The following DCAF17 variants were observed in gnomAD, a reference collection of about 807,000 sequenced individuals.
DCAF17 encodes the protein DDB1 and CUL4 associated factor 17, also known as DDB1- and CUL4-associated factor 17.
Under a neutral mutation model 66.0 loss-of-function variants are expected in DCAF17, and 48 were observed. That is an observed-to-expected ratio of 0.73 (90% CI 0.58 to 0.92). The LOEUF is 0.92. DCAF17 is among the 40% of genes least tolerant of loss of function. DCAF17 has a pLI of 0.00. For synonymous variants in DCAF17, 206 were observed against 214.6 expected, an observed-to-expected ratio of 0.96 and a Z score of 0.35; for missense variants, 562 against 622.8, an observed-to-expected ratio of 0.90 and a Z score of 1.04.
chr2:171,438,226 TA>T (rs1227839615), intron 2 of DCAF17, among the ~76,000 whole-genome samples: 2 of 152,262 alleles, frequency 1.3e-5, no homozygotes, highest in African/African-American at 4.8e-5. Flanking sequence ...GAGCATACTT[TA>T]TATTAGTTCT....
intron 11 of DCAF17, among the ~76,000 whole-genome samples, chr2:171,477,264 A>G (rs1330942352): frequency 6.6e-6 from 1 of 152,232 alleles, no homozygotes. Context: ...GGGGTAATAT[A>G]TAAGTCTTTA....
chr2:171,453,151 T>C lies in DCAF17; in HGVS notation c.565T>C (p.Tyr189His), dbSNP rs1466658120. The C allele has an allele frequency of 1.2e-6, 2 of 1,611,968 alleles. No homozygotes were observed. The highest frequency in any genetic ancestry group is 1.7e-6 in the Non-Finnish European group (2 of 1,178,966). The change falls in exon 6 of 14, where the codon TAC becomes CAC. Residue 189 changes from tyrosine (Y) to histidine (H), a missense_variant. Physicochemically the swap from Tyr to His is moderately conservative, Grantham distance 83 (BLOSUM62 2). Transcript: ENST00000375255. Reference sequence around the variant, plus strand: ...AGGCATTCAACAACATGTTTTGCTGTACCTTGCAGTGTTCCGAGTTCTACC... The same window carrying C: ...AGGCATTCAACAACATGTTTTGCTGCACCTTGCAGTGTTCCGAGTTCTACC... ...QAGIQQHVLLYLAVFRVLPFS... is the reference protein window; with the variant it reads ...QAGIQQHVLLHLAVFRVLPFS...
Position 171,458,481 on chromosome 2 carries a change from TG to T in DCAF17, c.838+6del. The T allele has an allele frequency of 6.2e-7, 1 of 1,600,958 alleles. No homozygotes were observed. The highest frequency in any genetic ancestry group is 8.6e-7 in the Non-Finnish European group (1 of 1,168,182). On this transcript the variant is annotated splice_donor_5th_base_variant and intron_variant, in intron 8 of 13. Transcript: ENST00000375255. Reference sequence around the variant, plus strand: ...CCTTGTAATATTAAAATCACAGGTATGGCTACTCTATAGTATTTTTTCACCT... The same window carrying T: ...CCTTGTAATATTAAAATCACAGGTATGCTACTCTATAGTATTTTTTCACCT...
chr2:171,458,312 T>C, intron 7 of DCAF17, 60 bp from the exon 8 acceptor site: 1 of 1,402,696 alleles, frequency 7.1e-7, no homozygotes, highest in South Asian at 1.2e-5. Context: ...ATTTTTGTTC[T>C]CTCCAGATAT....
intron 2 of DCAF17, among the ~76,000 whole-genome samples, chr2:171,438,929 G>A (rs199614195): frequency 6.0e-5 from 6 of 99,250 alleles, no homozygotes; most frequent in Non-Finnish European, 1.1e-4. Context: ...GGTCTCAGTC[G>A]TGCTGTGTTG....
At chr2:171,471,844 G>C (rs1322354734) in intron 9 of DCAF17, among the ~76,000 whole-genome samples, 1 of 151,880 alleles carries the variant, frequency 6.6e-6, no homozygotes, top group Non-Finnish European at 1.5e-5. Flanking sequence ...GTGAAACCCT[G>C]CCTCCACAAA....
chr2:171,445,921 G>T (rs1454342972), intron 3 of DCAF17, among the ~76,000 whole-genome samples: 1 of 152,066 alleles, frequency 6.6e-6, no homozygotes, highest in Non-Finnish European at 1.5e-5. Flanking sequence ...GGGCTCAAGT[G>T]ATCTGCCCGC....
chr2:171,440,271 T>C (rs1308577530), intron 2 of DCAF17, among the ~76,000 whole-genome samples: 2 of 152,210 alleles, frequency 1.3e-5, no homozygotes, highest in Non-Finnish European at 2.9e-5. Context: ...TTGAGGGCTA[T>C]ATATGATATG....
chr2:171,448,622 T>A, intron 3 of DCAF17, 59 bp from the exon 4 acceptor site: 1 of 1,441,350 alleles, frequency 6.9e-7, no homozygotes, highest in Non-Finnish European at 9.3e-7. Context: ...GGACATTGAT[T>A]ACTGCAAATT....
chr2:171,466,711 T>A (rs1215898001), intron 8 of DCAF17, among the ~76,000 whole-genome samples: 1 of 148,006 alleles, frequency 6.8e-6, no homozygotes, highest in Non-Finnish European at 1.5e-5. Context: ...TCTTTTTAAG[T>A]ACATCTGTTT....
At chr2:171,434,740 C>A in intron 1 of DCAF17, 37 bp downstream of exon 1, 1 of 1,394,808 alleles carries the variant, frequency 7.2e-7, no homozygotes, top group Non-Finnish European at 9.2e-7. Flanking sequence ...CGGAGGGCCG[C>A]GGGCGCGCGG....
At chr2:171,460,605 A>T (rs1410744102) in intron 8 of DCAF17, among the ~76,000 whole-genome samples, 1 of 151,896 alleles carries the variant, frequency 6.6e-6, no homozygotes, top group Non-Finnish European at 1.5e-5. Context: ...ATCACAGCTC[A>T]CTGCCACCTC....
At chr2:171,457,024 G>A (rs1485175499) in intron 6 of DCAF17, among the ~76,000 whole-genome samples, 1 of 152,214 alleles carries the variant, frequency 6.6e-6, no homozygotes, top group Non-Finnish European at 1.5e-5. Flanking sequence ...CTGTTGAATA[G>A]GAATGGTGAG....
intron 10 of DCAF17, among the ~76,000 whole-genome samples, chr2:171,474,742 C>T (rs1400416029): frequency 6.6e-6 from 1 of 152,218 alleles, no homozygotes; most frequent in Non-Finnish European, 1.5e-5. Context: ...TAAACACTTA[C>T]AGGCATTCTC....
chr2:171,454,365 A>G (rs1023615502), intron 6 of DCAF17, among the ~76,000 whole-genome samples: 2 of 151,278 alleles, frequency 1.3e-5, no homozygotes, highest in African/African-American at 4.8e-5. Context: ...GCCCACTGCA[A>G]TCTCTGCCTC....
intron 3 of DCAF17, among the ~76,000 whole-genome samples, chr2:171,445,986 A>G (rs1694599536): frequency 6.6e-6 from 1 of 152,124 alleles, no homozygotes; most frequent in African/African-American, 2.4e-5. Context: ...CTCAGCCAAA[A>G]ACTTTTAAAT....
At chr2:171,439,329 A>C (rs1399751192) in intron 2 of DCAF17, among the ~76,000 whole-genome samples, 1 of 151,680 alleles carries the variant, frequency 6.6e-6, no homozygotes, top group African/African-American at 2.4e-5. Context: ...TAATACTTGA[A>C]TATTCTGTTC....
chr2:171,450,402 AT>A (rs1217577400), intron 5 of DCAF17, among the ~76,000 whole-genome samples: 1 of 152,082 alleles, frequency 6.6e-6, no homozygotes, highest in Non-Finnish European at 1.5e-5. Context: ...TAATAAAAAT[AT>A]TTTAAAAAAG....
intron 8 of DCAF17, among the ~76,000 whole-genome samples, chr2:171,462,466 G>A (rs74809805): frequency 1.3e-5 from 2 of 152,114 alleles, no homozygotes; most frequent in Non-Finnish European, 2.9e-5. Flanking sequence ...GGAGTGCAAA[G>A]CTCAATGTCA....
Sources: gnomAD v4.1 joint callset for allele counts (sites outside exome capture counted in the v4.1 genomes callset) on GRCh38, gnomAD v4.1.1 for gene constraint, MANE v1.5 for transcripts, NCBI Gene and HGNC (gene_info 2026-07-23, HGNC 2026-07-21) for gene names.